Variants in WWOX observed in about 807,000 individuals in gnomAD.
WWOX encodes WW domain containing oxidoreductase.
A neutral mutation model predicts 46.2 loss-of-function variants in WWOX; 69 were observed. The observed-to-expected ratio is 1.49, with a 90% CI of 1.23 to 1.82. The LOEUF (loss-of-function observed/expected upper bound fraction) is 1.82, where lower values mean the gene tolerates loss of function less well. WWOX is among the 40% of genes most tolerant of loss of function. WWOX has a pLI of 0.00. For missense variants in WWOX, 919 were observed against 542.6 expected, an observed-to-expected ratio of 1.69 and a Z score of -6.89; for synonymous variants, 359 against 202.6, an observed-to-expected ratio of 1.77 and a Z score of -6.56.
intron 8 of WWOX, among the ~76,000 whole-genome samples, chr16:78,463,265 C>T (rs2083996082): frequency 6.6e-6 from 1 of 152,042 alleles, no homozygotes; most frequent in East Asian, 1.9e-4. Context: ...TTGGAGGTGC[C>T]CTTGCAGGTA....
At chr16:79,060,306 A>C (rs2048335972) in intron 8 of WWOX, among the ~76,000 whole-genome samples, 1 of 152,240 alleles carries the variant, frequency 6.6e-6, no homozygotes, top group African/African-American at 2.4e-5. Context: ...CCACACTGTG[A>C]GTGCTGACTG....
chr16:79,006,572 G>A (rs1427858829), intron 8 of WWOX, among the ~76,000 whole-genome samples: 1 of 150,938 alleles, frequency 6.6e-6, no homozygotes, highest in African/African-American at 2.4e-5. Flanking sequence ...GTTTTCAATT[G>A]CTGCTGTAAC....
chr16:78,444,517 G>A (rs2083514150), intron 8 of WWOX, among the ~76,000 whole-genome samples: 1 of 151,424 alleles, frequency 6.6e-6, no homozygotes, highest in Non-Finnish European at 1.5e-5. Flanking sequence ...TACAGTTATG[G>A]GATGAGGAGC....
At chr16:79,101,635 A>G (rs1391919370) in intron 8 of WWOX, 2 of 151,994 alleles carry the variant, frequency 1.3e-5, no homozygotes, top group Non-Finnish European at 2.9e-5. Context: ...ATACATGTCC[A>G]CAGAACACGC....
intron 7 of WWOX, among the ~76,000 whole-genome samples, chr16:78,428,842 A>G (rs943020525): frequency 3.9e-5 from 6 of 152,210 alleles, no homozygotes; most frequent in Non-Finnish European, 1.5e-5. Context: ...CCTTGTCTCT[A>G]AAAGAATAAG....
intron 8 of WWOX, among the ~76,000 whole-genome samples, chr16:78,709,519 CG>C (rs1340201137): frequency 6.6e-6 from 1 of 152,118 alleles, no homozygotes; most frequent in African/African-American, 2.4e-5. Flanking sequence ...ATCTGATAGA[CG>C]GTGTGCCTCT....
chr16:78,216,217 A>G (rs552922231), intron 5 of WWOX, among the ~76,000 whole-genome samples: 11 of 152,236 alleles, frequency 7.2e-5, no homozygotes, highest in Non-Finnish European at 1.2e-4. Context: ...TGGGGGGAGT[A>G]ATAATGATAA....
intron 8 of WWOX, among the ~76,000 whole-genome samples, chr16:78,976,320 A>T (rs577996252): frequency 2.6e-5 from 4 of 152,338 alleles, no homozygotes; most frequent in African/African-American, 9.6e-5. Context: ...TTTTGAAATG[A>T]GAACCGATGA....
chr16:78,908,413 G>A lies in WWOX; in HGVS notation c.1057-303195G>A, dbSNP rs528085725. 1.2e-4 allele frequency among the ~76,000 whole-genome samples: 19 copies of A among 152,042 alleles called. No homozygotes were observed. The South Asian group carries it at 3.7e-3, about 30-fold the overall frequency. On this transcript the variant is annotated intron_variant, in intron 8 of 8. Transcript: ENST00000566780. ...ATATTAGCCAGGCGTAGTGGTAGGCGCCTGTAATCCTAGCTAGTCGGGAGG... is the reference window on the plus strand; with the variant it reads ...ATATTAGCCAGGCGTAGTGGTAGGCACCTGTAATCCTAGCTAGTCGGGAGG...
chr16:78,547,190 G>T (rs1317242130), intron 8 of WWOX, among the ~76,000 whole-genome samples: 1 of 146,678 alleles, frequency 6.8e-6, no homozygotes, highest in Non-Finnish European at 1.5e-5. Context: ...ATGTCTGCCA[G>T]TTTCAACCCA....
At chr16:79,028,616 C>G (rs1323399122) in intron 8 of WWOX, among the ~76,000 whole-genome samples, 1 of 151,340 alleles carries the variant, frequency 6.6e-6, no homozygotes, top group Non-Finnish European at 1.5e-5. Flanking sequence ...ATACTTTTTT[C>G]CTGAATTAGG....
intron 5 of WWOX, among the ~76,000 whole-genome samples, chr16:78,311,262 C>T (rs372310165): frequency 1.6e-4 from 24 of 152,190 alleles, no homozygotes; most frequent in African/African-American, 5.8e-4. Flanking sequence ...TGTCTTCAGC[C>T]AATTTTTTTG....
intron 8 of WWOX, among the ~76,000 whole-genome samples, chr16:78,584,816 G>T (rs931648958): frequency 1.3e-5 from 2 of 152,350 alleles, no homozygotes; most frequent in Admixed American, 1.3e-4. Context: ...CCGTGTGCAC[G>T]TGTAAAAGTT....
intron 8 of WWOX, among the ~76,000 whole-genome samples, chr16:79,022,215 G>T (rs1345192352): frequency 6.6e-6 from 1 of 152,162 alleles, no homozygotes; most frequent in Non-Finnish European, 1.5e-5. Flanking sequence ...TGGAGCTTTA[G>T]GCTGGGATCA....
intron 8 of WWOX, among the ~76,000 whole-genome samples, chr16:78,800,014 C>T (rs909648318): frequency 6.6e-6 from 1 of 152,116 alleles, no homozygotes; most frequent in Non-Finnish European, 1.5e-5. Context: ...TCTCCTTCCC[C>T]ATTAAAATGG....
Position 78,635,704 on chromosome 16 carries a change from A to C in WWOX, c.1056+202952A>C, listed in dbSNP as rs115128685. On this transcript the variant is annotated intron_variant, in intron 8 of 8. Transcript: ENST00000566780. Reference sequence around the variant, plus strand: ...GAGTACTCACTACTTAGCGCTGTCAACATCATCTCCGTCCACATCAATGTC... The same window carrying C: ...GAGTACTCACTACTTAGCGCTGTCACCATCATCTCCGTCCACATCAATGTC... 3.3e-3 allele frequency among the ~76,000 whole-genome samples: 497 copies of C among 152,288 alleles called. 2 individuals are homozygous for C. The highest frequency in any genetic ancestry group is 0.011 in the African/African-American group (469 of 41,560).
intron 5 of WWOX, among the ~76,000 whole-genome samples, chr16:78,324,771 C>A (rs930886470): frequency 1.0e-5 from 1 of 98,542 alleles, no homozygotes; most frequent in African/African-American, 4.1e-5. Context: ...AGTGATGACT[C>A]AGGGCTGGGG....
chr16:78,783,127 C>T (rs967809044), intron 8 of WWOX, among the ~76,000 whole-genome samples: 1 of 152,114 alleles, frequency 6.6e-6, no homozygotes, highest in East Asian at 1.9e-4. Context: ...CAGGAAAAAC[C>T]AAAACAAAAC....
chr16:78,378,627 C>G (rs1457160027), intron 5 of WWOX, among the ~76,000 whole-genome samples: 2 of 152,198 alleles, frequency 1.3e-5, no homozygotes, highest in African/African-American at 4.8e-5. Flanking sequence ...GCCAGTGTCT[C>G]TTGCTGTTGT....
Sources: allele counts gnomAD v4.1 joint callset (sites outside exome capture counted in the v4.1 genomes callset), GRCh38; gene constraint gnomAD v4.1.1; transcripts MANE v1.5; gene names NCBI Gene and HGNC (gene_info 2026-07-23, HGNC 2026-07-21).